The following RAPGEF5 variants were observed in gnomAD, a reference collection of about 807,000 sequenced individuals.
RAPGEF5 encodes M-Ras-regulated GEF.
RAPGEF5 carries 65 observed loss-of-function variants against 125.2 expected under a neutral mutation model. The observed-to-expected ratio is 0.52, with a 90% CI of 0.43 to 0.64. RAPGEF5 has a LOEUF of 0.64. RAPGEF5 is among the 30% of genes least tolerant of loss of function. The probability of loss-of-function intolerance (pLI) is 0.00; values close to 1 mark genes in which losing one functional copy is unlikely to be tolerated. For missense variants in RAPGEF5, 958 were observed against 1,048.1 expected, an observed-to-expected ratio of 0.91 and a Z score of 1.19; for synonymous variants, 391 against 385.9, an observed-to-expected ratio of 1.01 and a Z score of -0.16.
chr7:22,160,710 G>A (rs1376617251), intron 13 of RAPGEF5, 95 bp from the exon 14 acceptor site: 1 of 1,357,294 alleles, frequency 7.4e-7, no homozygotes, highest in Non-Finnish European at 9.5e-7. Context: ...AGGAAATAAG[G>A]AGGGATTCAG....
At chr7:22,304,442 A>G (rs902406603) in intron 5 of RAPGEF5, among the ~76,000 whole-genome samples, 2 of 152,238 alleles carry the variant, frequency 1.3e-5, no homozygotes, top group South Asian at 2.1e-4. Context: ...AAAAGACTGC[A>G]AGTAATCTGG....
chr7:22,147,999 T>G (rs1783498880), intron 18 of RAPGEF5, among the ~76,000 whole-genome samples: 1 of 152,164 alleles, frequency 6.6e-6, no homozygotes, highest in Non-Finnish European at 1.5e-5. Flanking sequence ...CTGAAGATCT[T>G]CACAGAGCTT....
At chr7:22,160,695 AAC>A in intron 13 of RAPGEF5, 80 bp from the exon 14 acceptor site, 1 of 1,398,608 alleles carries the variant, frequency 7.1e-7, no homozygotes, top group Non-Finnish European at 9.3e-7. Context: ...TGGCTATCCT[AAC>A]ACAGGAAATA....
At chr7:22,238,352 T>C (rs1786243864) in intron 7 of RAPGEF5, among the ~76,000 whole-genome samples, 1 of 152,238 alleles carries the variant, frequency 6.6e-6, no homozygotes. Context: ...AAATTGTAAA[T>C]TGACAAATTG....
intron 24 of RAPGEF5, among the ~76,000 whole-genome samples, chr7:22,129,617 G>A (rs1352545719): frequency 2.6e-5 from 4 of 152,080 alleles, no homozygotes; most frequent in Non-Finnish European, 5.9e-5. Context: ...CACAAAACAC[G>A]TACAAAAAAA....
At chr7:22,289,281 CATT>C (rs1782874041) in intron 6 of RAPGEF5, among the ~76,000 whole-genome samples, 1 of 152,164 alleles carries the variant, frequency 6.6e-6, no homozygotes, top group African/African-American at 2.4e-5. Context: ...CCAATAACTA[CATT>C]ACATTATTTA....
intron 1 of RAPGEF5, among the ~76,000 whole-genome samples, chr7:22,340,095 G>GAAAAGGGCATCAAGCACC (rs761322553): frequency 6.6e-6 from 1 of 152,140 alleles, no homozygotes; most frequent in Non-Finnish European, 1.5e-5. Flanking sequence ...CCAAACTCCT[G>GAAAAGGGCATCAAGCACC]AAAAGGGCAT....
chr7:22,190,827 C>T (rs1404569016), intron 11 of RAPGEF5, among the ~76,000 whole-genome samples: 1 of 152,232 alleles, frequency 6.6e-6, no homozygotes, highest in Non-Finnish European at 1.5e-5. Context: ...AGAACAGGCT[C>T]ATCCCAGCCT....
chr7:22,242,493 T>C (rs1282119229), intron 7 of RAPGEF5, among the ~76,000 whole-genome samples: 1 of 152,110 alleles, frequency 6.6e-6, no homozygotes, highest in African/African-American at 2.4e-5. Context: ...CTGACCCAGC[T>C]GAGAAGGGCC....
At position 22,156,803 on chromosome 7, in the gene RAPGEF5, T is replaced by C. The variant is rs770457836; in HGVS notation, c.1636+7A>G. ...ACCCCCAAACCCTCACTTCAAACCATACTCACTTTCCTCCGTTTCAGTCAC... is the reference window on the plus strand; with the variant it reads ...ACCCCCAAACCCTCACTTCAAACCACACTCACTTTCCTCCGTTTCAGTCAC... On this transcript the variant is annotated splice_region_variant and intron_variant, in intron 16 of 25. Transcript: ENST00000665637. 4.3e-6 allele frequency: 7 copies of C among 1,613,720 alleles called. No individual in the cohort carries two copies. Among genetic ancestry groups the C allele is most frequent in the Admixed American group, 3.3e-5 (2 of 59,988 alleles).
rs531560348 is a variant in RAPGEF5, at chr7:22,191,400, C to A, written c.1204+1967G>T. On this transcript the variant is annotated intron_variant, in intron 11 of 25. Coordinates refer to ENST00000665637, the MANE Select transcript of RAPGEF5 (RefSeq NM_012294.5). The stretch of plus-strand genomic sequence containing the variant: ...GTTGACTTTTCCATTTTCATAAAAT[C>A]TTTCTTTGGTGAAAGTTGTTACCAT... 115 of 347,808 alleles carry A rather than the reference C, an allele frequency of 3.3e-4. 1 individual carries two copies. The highest frequency in any genetic ancestry group is 2.1e-3 in the Middle Eastern group (2 of 940). 21.5% of individuals were successfully genotyped at this position (347,808 alleles called of 1,614,324 possible).
chr7:22,327,805 A>G (rs11761865), intron 1 of RAPGEF5, among the ~76,000 whole-genome samples: 44,069 of 152,148 alleles, frequency 0.29, 6,532 homozygotes, highest in East Asian at 0.37. Context: ...GAGACACCTA[A>G]AGAGCTTATT....
intron 11 of RAPGEF5, among the ~76,000 whole-genome samples, chr7:22,179,364 A>G (rs1784603902): frequency 6.6e-6 from 1 of 152,206 alleles, no homozygotes; most frequent in Non-Finnish European, 1.5e-5. Context: ...CAAATCAGAC[A>G]TAAGAAAAGT....
chr7:22,245,339 G>A (rs1476766000), intron 7 of RAPGEF5, among the ~76,000 whole-genome samples: 2 of 151,774 alleles, frequency 1.3e-5, no homozygotes, highest in African/African-American at 2.4e-5. Flanking sequence ...GTCTTTTTTC[G>A]CTTTTATTGC....
rs112772238 is a variant in RAPGEF5 at position 22,290,723 on chromosome 7, C to A, written c.747+452G>T. 3.0e-5 allele frequency among the ~76,000 whole-genome samples: 4 copies of A among 133,166 alleles called. 1 individual carries two copies. The highest frequency in any genetic ancestry group is 8.7e-5 in the African/African-American group (3 of 34,408). 87.4% of individuals were successfully genotyped at this position (133,166 alleles called of 152,430 possible). ...TCCCGCCGCTGCACTCCAGCCTGGG[C>A]GACAGAGCGAGACTCCGTCTCAAAA... On this transcript the variant is annotated intron_variant, in intron 6 of 25. Transcript: ENST00000665637.
At position 22,291,210 on chromosome 7, in the gene RAPGEF5, T is replaced by C. The variant is rs778554321; in HGVS notation, c.712A>G (p.Ser238Gly). ...AGACGCACAAGAATTTCATCACTGCTTTCTTCGGAGTCTTCAATTTTCTGA... is the reference window on the plus strand; with the variant it reads ...AGACGCACAAGAATTTCATCACTGCCTTCTTCGGAGTCTTCAATTTTCTGA... ...SHQKIEDSEESSDEILVRLTS... is the reference protein window; with the variant it reads ...SHQKIEDSEEGSDEILVRLTS... The change falls in exon 6 of 26, where the codon AGC (serine) becomes GGC (glycine). Residue 238 changes from serine (S) to glycine (G), a missense_variant. Coordinates refer to ENST00000665637, the MANE Select transcript of RAPGEF5 (RefSeq NM_012294.5). 2 of 1,582,056 alleles carry C rather than the reference T, an allele frequency of 1.3e-6. No homozygotes were observed. Among genetic ancestry groups the C allele is most frequent in the Non-Finnish European group, 1.7e-6 (2 of 1,165,026 alleles).
intron 5 of RAPGEF5, among the ~76,000 whole-genome samples, chr7:22,299,019 C>CT (rs545568109): frequency 0.055 from 6,811 of 123,850 alleles, 550 homozygotes; most frequent in African/African-American, 0.18. Flanking sequence ...GATTTCGTAC[C>CT]TTTTTTTTTT....
intron 6 of RAPGEF5, among the ~76,000 whole-genome samples, chr7:22,281,222 T>C (rs1380553578): frequency 6.6e-6 from 1 of 152,190 alleles, no homozygotes; most frequent in African/African-American, 2.4e-5. Flanking sequence ...TTTCTTTCTT[T>C]TTCTTTTGAG....
At chr7:22,343,984 C>G (rs753065510) in intron 1 of RAPGEF5, among the ~76,000 whole-genome samples, 1 of 152,116 alleles carries the variant, frequency 6.6e-6, no homozygotes, top group Non-Finnish European at 1.5e-5. Flanking sequence ...ACAGCTTCTC[C>G]GATTCCAAAC....
Sources: gnomAD v4.1 joint callset for allele counts (sites outside exome capture counted in the v4.1 genomes callset) on GRCh38, gnomAD v4.1.1 for gene constraint, MANE v1.5 for transcripts, NCBI Gene and HGNC (gene_info 2026-07-23, HGNC 2026-07-21) for gene names.